The following C1orf87 variants were observed in gnomAD, a reference collection of about 807,000 sequenced individuals.
C1orf87 encodes chromosome 1 open reading frame 87, also known as uncharacterized protein C1orf87.
C1orf87 carries 58 observed loss-of-function variants against 60.5 expected under a neutral mutation model. That is an observed-to-expected ratio of 0.96 (90% CI 0.78 to 1.19). C1orf87 has a LOEUF of 1.19. Ranked by LOEUF, C1orf87 falls within the 50% of genes most tolerant of loss-of-function variation. The pLI is 0.00. For synonymous variants in C1orf87, 236 were observed against 227.4 expected, an observed-to-expected ratio of 1.04 and a Z score of -0.34; for missense variants, 673 against 638.6, an observed-to-expected ratio of 1.05 and a Z score of -0.58.
chr1:60,046,881 A>G (rs1179694135), intron 3 of C1orf87, among the ~76,000 whole-genome samples: 1 of 152,236 alleles, frequency 6.6e-6, no homozygotes, highest in Non-Finnish European at 1.5e-5. Flanking sequence ...CTGTTTTTAA[A>G]AAGTATCATT....
At chr1:60,001,389 T>G (rs2100242439) in intron 9 of C1orf87, among the ~76,000 whole-genome samples, 1 of 152,188 alleles carries the variant, frequency 6.6e-6, no homozygotes, top group South Asian at 2.1e-4. Context: ...AAATTTTTAT[T>G]TAGTTACAAC....
chr1:60,022,022 A>G (rs1274099882), intron 8 of C1orf87, among the ~76,000 whole-genome samples: 1 of 151,804 alleles, frequency 6.6e-6, no homozygotes, highest in Non-Finnish European at 1.5e-5. Context: ...GGAAGAAAAG[A>G]GGCATGGTGT....
At chr1:60,039,861 G>A (rs960600185) in intron 5 of C1orf87, 56 bp downstream of exon 5, 23 of 1,542,326 alleles carry the variant, frequency 1.5e-5, no homozygotes, top group Non-Finnish European at 1.8e-5. Flanking sequence ...TACCCTTGTG[G>A]GTACAAGTTA....
intron 3 of C1orf87, among the ~76,000 whole-genome samples, chr1:60,051,272 A>G (rs532742347): frequency 9.2e-5 from 14 of 152,314 alleles, no homozygotes; most frequent in African/African-American, 3.1e-4. Flanking sequence ...AGCAGAGGCT[A>G]TATCTGATCA....
At chr1:60,002,734 T>C (rs979447187) in intron 9 of C1orf87, among the ~76,000 whole-genome samples, 5 of 152,128 alleles carry the variant, frequency 3.3e-5, no homozygotes, top group African/African-American at 1.2e-4. Flanking sequence ...TGGTAATGCC[T>C]AGCCATCAGA....
intron 11 of C1orf87, 50 bp downstream of exon 11, chr1:59,997,559 G>C (rs1388233995): frequency 6.3e-7 from 1 of 1,581,620 alleles, no homozygotes; most frequent in African/African-American, 1.3e-5. Context: ...CCTACTTTTA[G>C]ACTAGACCAC....
At chr1:60,003,378 G>A (rs1332101545) in intron 9 of C1orf87, among the ~76,000 whole-genome samples, 1 of 151,792 alleles carries the variant, frequency 6.6e-6, no homozygotes, top group Non-Finnish European at 1.5e-5. Flanking sequence ...GATAGATAAC[G>A]AGTTAGTGGG....
At chr1:60,030,936 C>T (rs574242833) in intron 7 of C1orf87, among the ~76,000 whole-genome samples, 1 of 152,298 alleles carries the variant, frequency 6.6e-6, no homozygotes, top group African/African-American at 2.4e-5. Context: ...CATAGAATAT[C>T]CTTTAAGGCT....
intron 3 of C1orf87, among the ~76,000 whole-genome samples, chr1:60,054,672 A>G (rs1198689673): frequency 1.3e-5 from 2 of 152,192 alleles, no homozygotes; most frequent in Admixed American, 6.5e-5. Flanking sequence ...CTTTTTAATT[A>G]CAAACTACTA....
At position 60,039,924 on chromosome 1, in the gene C1orf87, G is replaced by T. The variant is rs377346159; in HGVS notation, c.740C>A (p.Pro247His). The part of the protein sequence containing the change: ...LCQRFSKRGS[P>H]EMVNYEKLLW... ...ATAGTACAATTGCCATACCATTTCA[G>T]GAGAACCCCTCTTAGAAAATCTCTG... is the stretch of plus-strand genomic sequence containing the variant. Residue 247 changes from proline to histidine, a missense_variant, in exon 5 of 12, where the codon CCT (proline) becomes CAT (histidine). Coordinates refer to ENST00000371201, the MANE Select transcript of C1orf87 (RefSeq NM_152377.3). 1.4e-5 allele frequency: 23 copies of T among 1,613,320 alleles called. No individual in the cohort carries two copies. Among genetic ancestry groups the T allele is most frequent in the Non-Finnish European group, 1.6e-5 (19 of 1,179,818 alleles).
chr1:60,008,307 A>T (rs1645060089), intron 9 of C1orf87, among the ~76,000 whole-genome samples: 1 of 152,120 alleles, frequency 6.6e-6, no homozygotes, highest in Non-Finnish European at 1.5e-5. Flanking sequence ...GAGAAAAATG[A>T]GTCAGAGAGA....
chr1:60,027,730 A>G (rs1645209591), intron 7 of C1orf87, among the ~76,000 whole-genome samples: 1 of 152,190 alleles, frequency 6.6e-6, no homozygotes, highest in South Asian at 2.1e-4. Flanking sequence ...GGAAAAAAAA[A>G]AGATTGATTT....
At chr1:60,022,951 T>A (rs1437575815) in intron 8 of C1orf87, among the ~76,000 whole-genome samples, 1 of 152,152 alleles carries the variant, frequency 6.6e-6, no homozygotes, top group East Asian at 1.9e-4. Flanking sequence ...GAATAAGATT[T>A]CTTCATGCTA....
chr1:60,015,647 C>A (rs1645119812), intron 8 of C1orf87, among the ~76,000 whole-genome samples: 1 of 152,258 alleles, frequency 6.6e-6, no homozygotes, highest in East Asian at 1.9e-4. Flanking sequence ...CACCTACATC[C>A]CTGGTGTCTT....
At position 59,990,516 on chromosome 1, in the gene C1orf87, A is replaced by T; in HGVS notation, c.*157T>A. The T allele has an allele frequency of 1.1e-6, 1 of 882,026 alleles. No homozygotes were observed. The highest frequency in any genetic ancestry group is 1.7e-6 in the Non-Finnish European group (1 of 578,496). The allele number at this position is 882,026 out of a possible 1,614,324, so 54.6% of individuals were successfully genotyped here. A position where few individuals can be genotyped will look rare whatever the true frequency, so the allele number is the denominator to read the frequency against. On this transcript the variant is annotated 3_prime_UTR_variant, in exon 12 of 12. Coordinates refer to ENST00000371201, the MANE Select transcript of C1orf87 (RefSeq NM_152377.3). ...TGAACTGCTTATGAGTGAGCATCAT[A>T]GCCAGAAACTAAGTCCAAATCAAAA... is the stretch of plus-strand genomic sequence containing the variant.
At chr1:60,031,041 GGA>G (rs1242377625) in intron 7 of C1orf87, among the ~76,000 whole-genome samples, 1 of 151,984 alleles carries the variant, frequency 6.6e-6, no homozygotes, top group Non-Finnish European at 1.5e-5. Flanking sequence ...TAATCTTTCT[GGA>G]GAGAGAGTGC....
chr1:60,061,788 AAAAAAAAAAAAAAAT>A (rs1398344962), intron 2 of C1orf87, among the ~76,000 whole-genome samples: 6 of 150,296 alleles, frequency 4.0e-5, no homozygotes, highest in Non-Finnish European at 7.4e-5. Flanking sequence ...AAAAAAAAAA[AAAAAAAAAAAAAAAT>A]AGCTGGGCTT....
chr1:60,052,611 GAA>G lies in C1orf87; in HGVS notation c.342+2591_342+2592del, dbSNP rs538029314. Among the ~76,000 whole-genome samples the G allele has an allele frequency of 5.2e-3, 788 of 152,300 alleles. 5 individuals carry two copies. The highest frequency in any genetic ancestry group is 7.4e-3 in the Non-Finnish European group (505 of 68,022). Reference sequence around the variant, plus strand: ...CTCTTCGAACTTACTCTGTGATTTGGAAAAGAGTTTCACACTTGCTCGTCCTC... The same window carrying G: ...CTCTTCGAACTTACTCTGTGATTTGGAAGAGTTTCACACTTGCTCGTCCTC... On this transcript the variant is annotated intron_variant, in intron 3 of 11. Transcript: ENST00000371201.
intron 3 of C1orf87, among the ~76,000 whole-genome samples, chr1:60,046,443 CTT>C (rs36104052): frequency 0.015 from 1,623 of 106,962 alleles, 31 homozygotes; most frequent in African/African-American, 0.051. Flanking sequence ...CCTTCTTCTT[CTT>C]TTTTTTTTTT....
Sources: gnomAD v4.1 joint callset for allele counts (sites outside exome capture counted in the v4.1 genomes callset) on GRCh38, gnomAD v4.1.1 for gene constraint, MANE v1.5 for transcripts, NCBI Gene and HGNC (gene_info 2026-07-23, HGNC 2026-07-21) for gene names.